MDGA2: variants seen among roughly 807,000 people sequenced by gnomAD.
The protein encoded by MDGA2 is MAM domain-containing glycosylphosphatidylinositol anchor protein 2.
Under a neutral mutation model 117.8 loss-of-function variants are expected in MDGA2, and 40 were observed. That is an observed-to-expected ratio of 0.34 (90% CI 0.26 to 0.44). The LOEUF (loss-of-function observed/expected upper bound fraction) is 0.44, where lower values mean the gene tolerates loss of function less well. Ranked by LOEUF, MDGA2 falls within the 20% of genes least tolerant of loss-of-function variation. The probability of loss-of-function intolerance (pLI) is 1.00; values close to 1 mark genes in which losing one functional copy is unlikely to be tolerated. For synonymous variants in MDGA2, 452 were observed against 439.0 expected (o/e 1.03, Z -0.37); for missense variants, 1,123 against 1,250.6 (o/e 0.90, Z 1.54).
intron 1 of MDGA2, among the ~76,000 whole-genome samples, chr14:47,496,758 T>C (rs1176669778): frequency 6.7e-6 from 1 of 150,318 alleles, no homozygotes; most frequent in Non-Finnish European, 1.5e-5. Flanking sequence ...CTCAGTAATC[T>C]ATACATTTTA....
chr14:47,311,493 A>C (rs886094388), intron 1 of MDGA2, among the ~76,000 whole-genome samples: 35 of 151,032 alleles, frequency 2.3e-4, no homozygotes, highest in Admixed American at 6.6e-5. Context: ...TTAGCCTGTC[A>C]AAAAAAAACA....
chr14:46,872,271 T>C (rs924850050), intron 14 of MDGA2, among the ~76,000 whole-genome samples: 7 of 151,996 alleles, frequency 4.6e-5, no homozygotes, highest in African/African-American at 1.7e-4. Context: ...CACATATATT[T>C]ATACTATCAC....
At chr14:47,308,463 C>T (rs947820660) in intron 1 of MDGA2, among the ~76,000 whole-genome samples, 1 of 150,920 alleles carries the variant, frequency 6.6e-6, no homozygotes. Flanking sequence ...CTCTAAAAGG[C>T]CACTTTCTTT....
chr14:47,279,826 A>T (rs1888419063), intron 2 of MDGA2, among the ~76,000 whole-genome samples: 1 of 151,984 alleles, frequency 6.6e-6, no homozygotes, highest in South Asian at 2.1e-4. Flanking sequence ...TCCCCTAAAT[A>T]TGGCTTTATT....
rs1365831802 is a variant in MDGA2 at position 47,301,402 on chromosome 14, G to A, written c.420+9C>T. 40 of 1,551,374 alleles carry A rather than the reference G, an allele frequency of 2.6e-5. No homozygotes were observed. Among genetic ancestry groups the A allele is most frequent in the Non-Finnish European group, 3.5e-5 (40 of 1,146,918 alleles). Reference sequence around the variant, plus strand: ...AATGTTTTCTCCAGTGTCACAGTTCGGGACTCACCTGTGGACGTGGATGTC... The same window carrying A: ...AATGTTTTCTCCAGTGTCACAGTTCAGGACTCACCTGTGGACGTGGATGTC... On this transcript the variant is annotated intron_variant, in intron 2 of 16. Transcript: ENST00000399232.
chr14:46,986,276 C>T (rs1339041625), intron 8 of MDGA2, among the ~76,000 whole-genome samples: 1 of 152,016 alleles, frequency 6.6e-6, no homozygotes, highest in Non-Finnish European at 1.5e-5. Flanking sequence ...GATACAGAAG[C>T]CCTTTGTACA....
chr14:46,992,916 A>G (rs1887145957), intron 8 of MDGA2, among the ~76,000 whole-genome samples: 1 of 152,190 alleles, frequency 6.6e-6, no homozygotes, highest in South Asian at 2.1e-4. Flanking sequence ...TCGCTTACAT[A>G]TCATTTAATA....
chr14:47,468,209 C>T (rs529776836), intron 1 of MDGA2, among the ~76,000 whole-genome samples: 2 of 152,216 alleles, frequency 1.3e-5, no homozygotes, highest in South Asian at 2.1e-4. Flanking sequence ...AAACCAACTT[C>T]GTGAGCCCTT....
At position 47,301,442 on chromosome 14, in the gene MDGA2, G is replaced by C; in HGVS notation, c.389C>G (p.Thr130Ser). 3 of 1,551,808 alleles carry C rather than the reference G, an allele frequency of 1.9e-6. No homozygotes were observed. Among genetic ancestry groups the C allele is most frequent in the Non-Finnish European group, 1.7e-6 (2 of 1,147,010 alleles). ...ACGTGGATGTCCTGTGACTAGACAA[G>C]TCAACTCAAGGGTTTCTCCTTCCCG... ...TIREGETLEL[T>S]CLVTGHPRPQ... The change falls in exon 2 of 17, where the codon ACT becomes AGT. Residue 130 changes from threonine to serine, a missense_variant. This residue lies in a region of MDGA2 where 233 missense variants were observed against 200.3 expected (regional missense o/e 1.16). Transcript: ENST00000399232.
At chr14:46,961,556 C>T (rs1885809273) in intron 8 of MDGA2, among the ~76,000 whole-genome samples, 1 of 152,090 alleles carries the variant, frequency 6.6e-6, no homozygotes, top group Non-Finnish European at 1.5e-5. Context: ...ACCTGCACAC[C>T]ACTTTTTTGT....
rs182255318 is a variant in MDGA2 at position 47,167,384 on chromosome 14, C to T, written c.596-23110G>A. Among the ~76,000 whole-genome samples the T allele has an allele frequency of 7.2e-5, 11 of 152,226 alleles. No homozygotes were observed. In the East Asian group the frequency reaches 2.1e-3, roughly 29 times the overall value. ...TAACCTCTCTGTGTACTCATGTCTT[C>T]TCCTTATAAAGGCTCTGCTGTGGGA... On this transcript the variant is annotated intron_variant, in intron 3 of 16. Coordinates refer to ENST00000399232, the MANE Select transcript of MDGA2 (RefSeq NM_001113498.3).
Position 47,063,934 on chromosome 14 carries a change from C to T in MDGA2, c.1196-2356G>A, listed in dbSNP as rs185407088. On this transcript the variant is annotated intron_variant, in intron 6 of 16. Coordinates refer to ENST00000399232, the MANE Select transcript of MDGA2 (RefSeq NM_001113498.3). Reference sequence around the variant, plus strand: ...TCCACTTCTGTGCTCTGCATAGTGACATATTAAAGTGATATTGAGAGAACT... The same window carrying T: ...TCCACTTCTGTGCTCTGCATAGTGATATATTAAAGTGATATTGAGAGAACT... Among the ~76,000 whole-genome samples the T allele has an allele frequency of 5.7e-3, 859 of 151,924 alleles. 9 individuals are homozygous for T. Among genetic ancestry groups the T allele is most frequent in the Non-Finnish European group, 4.8e-3 (328 of 67,872 alleles).
At chr14:47,141,954 G>A (rs1882738798) in intron 4 of MDGA2, among the ~76,000 whole-genome samples, 2 of 152,096 alleles carry the variant, frequency 1.3e-5, no homozygotes, top group South Asian at 4.1e-4. Context: ...ACAATGTGTA[G>A]ACATGTATCA....
At chr14:46,923,329 ATACTT>A (rs1320611190) in intron 9 of MDGA2, among the ~76,000 whole-genome samples, 1 of 152,124 alleles carries the variant, frequency 6.6e-6, no homozygotes, top group African/African-American at 2.4e-5. Context: ...AGATTAGAAA[ATACTT>A]TAGAGATTAT....
In MDGA2 at chr14:46,855,835, C is replaced by T. The variant is rs1008806147; in HGVS notation, c.2753-681G>A. 3.9e-5 allele frequency among the ~76,000 whole-genome samples: 6 copies of T among 152,028 alleles called. No individual in the cohort carries two copies. The highest frequency in any genetic ancestry group is 3.9e-4 in the East Asian group (2 of 5,176). On this transcript the variant is annotated intron_variant, in intron 14 of 16. Transcript: ENST00000399232. The surrounding 1 kb of genome is among the most constrained non-coding windows in gnomAD (Gnocchi z 4.1). The stretch of plus-strand genomic sequence containing the variant: ...GCTCAGAGTTGGACTCTAATTCTGT[C>T]GTCTTATATTATCATTTAGCATCTT...
chr14:46,934,974 C>G (rs7151262), intron 9 of MDGA2, among the ~76,000 whole-genome samples: 87,901 of 151,366 alleles, frequency 0.58, 25,745 homozygotes, highest in South Asian at 0.59. Flanking sequence ...ATAATACTCT[C>G]CAAACTACTG....
intron 1 of MDGA2, among the ~76,000 whole-genome samples, chr14:47,451,002 G>T (rs931753527): frequency 6.6e-6 from 1 of 151,956 alleles, no homozygotes; most frequent in Non-Finnish European, 1.5e-5. Flanking sequence ...CAGTAACCAT[G>T]GCTCACCACA....
At chr14:47,114,919 A>T (rs76107622) in intron 5 of MDGA2, among the ~76,000 whole-genome samples, 2,595 of 150,908 alleles carry the variant, frequency 0.017, 72 homozygotes, top group African/African-American at 0.061. Context: ...CAATTGACAA[A>T]TGGGACCCGA....
intron 9 of MDGA2, among the ~76,000 whole-genome samples, chr14:46,940,985 T>C (rs1385619638): frequency 6.6e-6 from 1 of 152,166 alleles, no homozygotes; most frequent in South Asian, 2.1e-4. Flanking sequence ...ATAAAGTAGA[T>C]TTAGATGTGA....
Sources: gnomAD v4.1 joint callset for allele counts (sites outside exome capture counted in the v4.1 genomes callset) on GRCh38, gnomAD v4.1.1 for gene constraint, gnomAD v4.1.1 regional missense constraint, Gnocchi (gnomAD v3.1) non-coding constraint, MANE v1.5 for transcripts, NCBI Gene and HGNC (gene_info 2026-07-23, HGNC 2026-07-21) for gene names.